POT1: variants seen among roughly 807,000 people sequenced by gnomAD.
The protein encoded by POT1 is protection of telomeres protein 1.
A neutral mutation model predicts 78.5 loss-of-function variants in POT1; 47 were observed. The ratio of observed to expected loss-of-function variants is 0.60; its 90% confidence interval spans 0.47 to 0.76. The LOEUF is 0.76. Ranked by LOEUF, POT1 falls within the 30% of genes least tolerant of loss-of-function variation. The pLI, the probability that POT1 is intolerant of heterozygous loss-of-function variation, is 0.00. For synonymous variants in POT1, 259 were observed against 260.7 expected (o/e 0.99, Z 0.06); for missense variants, 646 against 749.9 (o/e 0.86, Z 1.62).
chr7:124,858,763 T>C (rs909468046), intron 9 of POT1, 194 bp downstream of exon 9: 16 of 376,146 alleles, frequency 4.3e-5, no homozygotes, highest in African/African-American at 2.9e-4. Flanking sequence ...ATTTTAAAAA[T>C]TGCTCTAACC....
intron 7 of POT1, among the ~76,000 whole-genome samples, chr7:124,864,718 G>C (rs954205078): frequency 2.4e-4 from 37 of 151,898 alleles, no homozygotes; most frequent in Non-Finnish European, 3.5e-4. Context: ...TCTTTTCAAT[G>C]GTAGAATTCC....
chr7:124,885,567 C>T (rs1185995634), intron 6 of POT1, among the ~76,000 whole-genome samples: 1 of 151,960 alleles, frequency 6.6e-6, no homozygotes, highest in Non-Finnish European at 1.5e-5. Context: ...GAGATCGAGA[C>T]CATCCTGGCT....
intron 6 of POT1, among the ~76,000 whole-genome samples, chr7:124,881,119 T>A (rs1481768737): frequency 6.6e-6 from 1 of 152,016 alleles, no homozygotes; most frequent in Non-Finnish European, 1.5e-5. Flanking sequence ...AGTTAGGCGA[T>A]TTCATTGTTC....
intron 3 of POT1, among the ~76,000 whole-genome samples, chr7:124,908,836 G>T (rs35399703): frequency 6.6e-6 from 1 of 151,688 alleles, no homozygotes; most frequent in African/African-American, 2.4e-5. Context: ...ATACCTTCAC[G>T]AATCTTAAAA....
Position 124,842,840 on chromosome 7 carries a change from G to A in POT1, c.1130C>T (p.Ser377Phe), listed in dbSNP as rs776187798. ...RSYKPRRLFQ[S>F]VKLHCPKCHL... ...ACATTTAGGGCAATGAAGTTTAACA[G>A]ACTGAAATAGTCTTCTGGGCTTATA... The change falls in exon 13 of 19, where the codon TCT becomes TTT. Residue 377 changes from serine (S) to phenylalanine (F), a missense_variant. Physicochemically the swap from Ser to Phe is radical, Grantham distance 155 (BLOSUM62 -2). Transcript: ENST00000357628. 7.5e-6 allele frequency: 12 copies of A among 1,601,940 alleles called. No homozygotes were observed. The highest frequency in any genetic ancestry group is 1.0e-5 in the Non-Finnish European group (12 of 1,177,194).
chr7:124,858,881 A>G (rs773899242), intron 9 of POT1, 76 bp downstream of exon 9: 24 of 1,099,664 alleles, frequency 2.2e-5, no homozygotes, highest in African/African-American at 3.2e-5. Context: ...GTAACCATAT[A>G]TAAAAAATTT....
intron 14 of POT1, chr7:124,840,763 G>T (rs1795007026): frequency 7.7e-6 from 3 of 391,732 alleles, no homozygotes; most frequent in Non-Finnish European, 1.4e-5. Context: ...TGAGTCTGAA[G>T]TACAATTTCA....
chr7:124,888,808 G>T (rs2116620432), intron 6 of POT1, among the ~76,000 whole-genome samples: 1 of 151,814 alleles, frequency 6.6e-6, no homozygotes, highest in East Asian at 1.9e-4. Context: ...TAATTGTTTT[G>T]GGGTAGCACA....
intron 6 of POT1, among the ~76,000 whole-genome samples, chr7:124,891,242 C>A (rs1291793131): frequency 6.6e-6 from 1 of 151,652 alleles, no homozygotes; most frequent in East Asian, 1.9e-4. Context: ...GGTGAATTAA[C>A]CCTTTTATCA....
chr7:124,877,754 A>T (rs1796023590), intron 6 of POT1, among the ~76,000 whole-genome samples: 1 of 147,346 alleles, frequency 6.8e-6, no homozygotes, highest in South Asian at 2.2e-4. Flanking sequence ...AGTGGCGTGA[A>T]CCCGGGAGGC....
chr7:124,876,712 C>T (rs1193261153), intron 6 of POT1, among the ~76,000 whole-genome samples: 5 of 151,872 alleles, frequency 3.3e-5, no homozygotes, highest in African/African-American at 1.2e-4. Context: ...ATTCATGTGG[C>T]AAGAATGGGC....
At chr7:124,841,603 A>G (rs1013724616) in intron 13 of POT1, among the ~76,000 whole-genome samples, 9 of 151,962 alleles carry the variant, frequency 5.9e-5, no homozygotes, top group Admixed American at 6.6e-5. Flanking sequence ...TAAACTAATA[A>G]TATTTCCAAT....
chr7:124,833,404 A>G (rs1005959262), intron 15 of POT1, among the ~76,000 whole-genome samples: 3 of 152,214 alleles, frequency 2.0e-5, no homozygotes, highest in African/African-American at 7.2e-5. Flanking sequence ...CTACAAATGT[A>G]GAAGTCGGAA....
At chr7:124,896,372 A>C (rs1796491476) in intron 5 of POT1, among the ~76,000 whole-genome samples, 1 of 151,706 alleles carries the variant, frequency 6.6e-6, no homozygotes, top group Admixed American at 6.6e-5. Context: ...AATTTTGGGA[A>C]ATACTAATAC....
intron 11 of POT1, among the ~76,000 whole-genome samples, chr7:124,847,635 G>A (rs1795204467): frequency 1.3e-5 from 2 of 152,148 alleles, no homozygotes; most frequent in African/African-American, 4.8e-5. Flanking sequence ...CCATGTACAT[G>A]ACTTCAAGAC....
chr7:124,827,309 G>A lies in POT1; in HGVS notation c.1595-4C>T, dbSNP rs1289966474. On this transcript the variant is annotated splice_polypyrimidine_tract_variant and splice_region_variant and intron_variant, in intron 16 of 18. Coordinates refer to ENST00000357628, the MANE Select transcript of POT1 (RefSeq NM_015450.3). ...TGGAGGGGTACAATACCCAGTGCTA[G>A]TGAAGGAAAAAAAGATCAAACCATA... 2 of 1,537,928 alleles carry A rather than the reference G, an allele frequency of 1.3e-6. No homozygotes were observed. Among genetic ancestry groups the A allele is most frequent in the South Asian group, 1.2e-5 (1 of 82,734 alleles).
chr7:124,922,785 A>G (rs1204028155), intron 2 of POT1, among the ~76,000 whole-genome samples: 1 of 151,982 alleles, frequency 6.6e-6, no homozygotes, highest in Non-Finnish European at 1.5e-5. Flanking sequence ...CATATCAATA[A>G]TTATTTTACA....
At chr7:124,921,490 TA>T (rs1313752755) in intron 2 of POT1, among the ~76,000 whole-genome samples, 1 of 146,918 alleles carries the variant, frequency 6.8e-6, no homozygotes, top group Non-Finnish European at 1.5e-5. Context: ...AAATAAAACT[TA>T]AAAAGAAATA....
chr7:124,836,391 G>T (rs993288529), intron 14 of POT1, among the ~76,000 whole-genome samples: 3 of 152,074 alleles, frequency 2.0e-5, no homozygotes, highest in African/African-American at 7.2e-5. Context: ...ATTGCAGCTA[G>T]ATAGAAACTC....
Sources: allele counts gnomAD v4.1 joint callset (sites outside exome capture counted in the v4.1 genomes callset), GRCh38; gene constraint gnomAD v4.1.1; transcripts MANE v1.5; gene names NCBI Gene and HGNC (gene_info 2026-07-23, HGNC 2026-07-21).